Variants in CEACAM16 observed in about 807,000 individuals in gnomAD.
The protein encoded by CEACAM16 is cell adhesion molecule CEACAM16.
CEACAM16 carries 30 observed loss-of-function variants against 39.4 expected under a neutral mutation model. The ratio of observed to expected loss-of-function variants is 0.76; its 90% CI spans 0.57 to 1.03. The LOEUF is 1.03. Ranked by LOEUF, CEACAM16 falls within the 50% of genes least tolerant of loss-of-function variation. CEACAM16 has a pLI of 0.00. For missense variants in CEACAM16, 521 were observed against 585.3 expected (o/e 0.89, Z 1.13); for synonymous variants, 262 against 264.9 (o/e 0.99, Z 0.11).
intron 3 of CEACAM16, 73 bp downstream of exon 3, chr19:44,703,766 T>TTA (rs1555771793): frequency 5.1e-5 from 46 of 900,128 alleles, no homozygotes; most frequent in African/African-American, 4.0e-4. Context: ...TTCTTTTTTT[T>TTA]AAAAAAAAAA....
At chr19:44,705,513 G>A (rs1974428746) in intron 4 of CEACAM16, 77 bp from the exon 5 acceptor site, 1 of 1,459,772 alleles carries the variant, frequency 6.9e-7, no homozygotes, top group Admixed American at 2.2e-5. Flanking sequence ...CTAGCTTGGT[G>A]GAGAGAAAAC....
intron 5 of CEACAM16, 126 bp from the exon 6 acceptor site, chr19:44,707,735 C>A: frequency 2.7e-6 from 2 of 754,366 alleles, no homozygotes; most frequent in Non-Finnish European, 4.1e-6. Flanking sequence ...CCTCCTTCCT[C>A]AGTCTCCTTC....
At chr19:44,702,441 C>T (rs923530544) in intron 2 of CEACAM16, among the ~76,000 whole-genome samples, 3 of 152,244 alleles carry the variant, frequency 2.0e-5, no homozygotes, top group African/African-American at 4.8e-5. Flanking sequence ...GACCCAGAGA[C>T]CCTCACTCCT....
At chr19:44,708,762 G>A (rs781238747) in intron 6 of CEACAM16, among the ~76,000 whole-genome samples, 261 of 152,298 alleles carry the variant, frequency 1.7e-3, no homozygotes, top group Non-Finnish European at 2.6e-3. Flanking sequence ...CTGAAATAAG[G>A]ATGATTGCTC....
intron 4 of CEACAM16, 94 bp from the exon 5 acceptor site, chr19:44,705,496 C>A: frequency 7.4e-7 from 1 of 1,351,502 alleles, no homozygotes; most frequent in Non-Finnish European, 1.0e-6. Context: ...AAGATATTCC[C>A]AGGGACCTAG....
Position 44,701,338 on chromosome 19 carries a change from T to C in CEACAM16, c.-96-23T>C. The C allele has an allele frequency of 9.0e-7, 1 of 1,115,820 alleles. No homozygotes were observed. The highest frequency in any genetic ancestry group is 1.3e-6 in the Non-Finnish European group (1 of 750,898). 69.1% of individuals were successfully genotyped at this position (1,115,820 alleles called of 1,614,324 possible). ...CCAAATTCAGGTGATCTCCCCTGGCTCCAAATCACCAAACCCTCCCAGGTC... is the reference window on the plus strand; with the variant it reads ...CCAAATTCAGGTGATCTCCCCTGGCCCCAAATCACCAAACCCTCCCAGGTC... On this transcript the variant is annotated intron_variant, in intron 1 of 6. Coordinates refer to ENST00000587331, the MANE Select transcript of CEACAM16 (RefSeq NM_001039213.4). This position sits in a 1 kb window ranked among gnomAD's most constrained non-coding sequence, Gnocchi z 4.0.
chr19:44,703,395 T>G lies in CEACAM16; in HGVS notation c.84T>G (p.Pro28=), dbSNP rs1171451134. The stretch of plus-strand genomic sequence containing the variant: ...CCGAGATCTCTATCACCCTGGAGCC[T>G]GCCCAGCCGAGCGAAGGGGACAACG... ...VGAEISITLE[P]AQPSEGDNVT... Residue 28 remains proline, a synonymous_variant, in exon 3 of 7, where the codon CCT becomes CCG. Coordinates refer to ENST00000587331, the MANE Select transcript of CEACAM16 (RefSeq NM_001039213.4). 1 of 1,613,646 alleles carries G rather than the reference T, an allele frequency of 6.2e-7. No individual in the cohort carries two copies. Among genetic ancestry groups the G allele is most frequent in the Admixed American group, 1.7e-5 (1 of 60,012 alleles).
chr19:44,703,677 A>T lies in CEACAM16; in HGVS notation c.366A>T (p.Gly122=). The T allele has an allele frequency of 1.3e-6, 2 of 1,551,570 alleles. No individual in the cohort carries two copies. Among genetic ancestry groups the T allele is most frequent in the Non-Finnish European group, 1.7e-6 (2 of 1,144,956 alleles). Residue 122 remains glycine, a synonymous_variant, in exon 3 of 7, where the codon GGA becomes GGT. Coordinates refer to ENST00000587331, the MANE Select transcript of CEACAM16 (RefSeq NM_001039213.4). ...AGTTGCAGACCGAGGTGGGCTACGG[A>T]CACGTGCAGGTCCATGGTGAGACAC... The part of the protein sequence containing the change: ...NRQLQTEVGY[G]HVQVHEILAQ...
intron 2 of CEACAM16, among the ~76,000 whole-genome samples, chr19:44,702,987 C>T (rs1974373697): frequency 6.6e-6 from 1 of 152,220 alleles, no homozygotes. Flanking sequence ...GACTGAGCTC[C>T]TGCATCTGAC....
At chr19:44,704,808 A>T (rs2122196708) in intron 4 of CEACAM16, among the ~76,000 whole-genome samples, 1 of 152,260 alleles carries the variant, frequency 6.6e-6, no homozygotes, top group South Asian at 2.1e-4. Flanking sequence ...ATCCTAAAGG[A>T]CTTCTACAGA....
In CEACAM16 at chr19:44,701,539, C is replaced by A. The variant is rs746187401; in HGVS notation, c.37+46C>A. 1 of 1,541,948 alleles carries A rather than the reference C, an allele frequency of 6.5e-7. No homozygotes were observed. On this transcript the variant is annotated intron_variant, in intron 2 of 6. Coordinates refer to ENST00000587331, the MANE Select transcript of CEACAM16 (RefSeq NM_001039213.4). This position sits in a 1 kb window ranked among gnomAD's most constrained non-coding sequence, Gnocchi z 4.0. ...CCAGCACCTCAGCCCCCCGAGGACCCCAGGGAGGGGAGGGGACCCCCAGTC... is the reference window on the plus strand; with the variant it reads ...CCAGCACCTCAGCCCCCCGAGGACCACAGGGAGGGGAGGGGACCCCCAGTC...
intron 1 of CEACAM16, among the ~76,000 whole-genome samples, chr19:44,699,801 C>G (rs1974315694): frequency 6.6e-6 from 1 of 152,158 alleles, no homozygotes; most frequent in Non-Finnish European, 1.5e-5. Context: ...GTCAACAAAC[C>G]TGAAGTAGGG....
intron 1 of CEACAM16, among the ~76,000 whole-genome samples, chr19:44,700,079 C>T (rs760089251): frequency 2.0e-5 from 3 of 152,176 alleles, no homozygotes; most frequent in Admixed American, 6.5e-5. Context: ...GATCTCAGCT[C>T]GCTGCAACCT....
chr19:44,706,074 C>A (rs1974442571), intron 5 of CEACAM16, among the ~76,000 whole-genome samples: 2 of 152,176 alleles, frequency 1.3e-5, no homozygotes, highest in African/African-American at 2.4e-5. Context: ...ACCTAGAGAA[C>A]AAATGGCAAA....
At chr19:44,710,362 G>C (rs1974517767) in intron 6 of CEACAM16, 134 bp from the exon 7 acceptor site, 1 of 899,264 alleles carries the variant, frequency 1.1e-6, no homozygotes, top group African/African-American at 1.7e-5. Flanking sequence ...CCTGGCACAG[G>C]CTGAGCGTGG....
At chr19:44,707,522 C>T (rs982671988) in intron 5 of CEACAM16, among the ~76,000 whole-genome samples, 1 of 151,702 alleles carries the variant, frequency 6.6e-6, no homozygotes, top group African/African-American at 2.4e-5. Flanking sequence ...TCTGGGATTT[C>T]CACTCTGATA....
At chr19:44,702,392 C>T (rs746952780) in intron 2 of CEACAM16, among the ~76,000 whole-genome samples, 1 of 152,228 alleles carries the variant, frequency 6.6e-6, no homozygotes, top group Non-Finnish European at 1.5e-5. Context: ...AACCATTGGC[C>T]GCTGTCACAC....
intron 6 of CEACAM16, among the ~76,000 whole-genome samples, chr19:44,710,255 C>T (rs1211175843): frequency 6.6e-6 from 1 of 152,230 alleles, no homozygotes; most frequent in Non-Finnish European, 1.5e-5. Flanking sequence ...GCAGGCCACC[C>T]CGGCAAAGCC....
chr19:44,707,895 C>A lies in CEACAM16; in HGVS notation c.975C>A (p.Pro325=). ...TTGCCACGATGATCGTGCCCGTGCC[C>A]ACCAAGCCAACGGAGGGCCAGGACG... ...AAVATMIVPV[P]TKPTEGQDVT... Residue 325 remains proline, a synonymous_variant, in exon 6 of 7, where the codon CCC becomes CCA. Transcript: ENST00000587331. 1 of 1,565,114 alleles carries A rather than the reference C, an allele frequency of 6.4e-7. No homozygotes were observed.
Sources: allele counts gnomAD v4.1 joint callset (sites outside exome capture counted in the v4.1 genomes callset), GRCh38; gene constraint gnomAD v4.1.1; non-coding constraint Gnocchi (gnomAD v3.1); transcripts MANE v1.5; gene names NCBI Gene and HGNC (gene_info 2026-07-23, HGNC 2026-07-21).